SLC14A2: variants seen among roughly 807,000 people sequenced by gnomAD.
SLC14A2 encodes solute carrier family 14 member 2.
In SLC14A2, 91 loss-of-function variants were observed where a neutral mutation model predicts 104.6. That is an observed-to-expected ratio of 0.87 (90% CI 0.73 to 1.04). The LOEUF is 1.04. SLC14A2 is among the 50% of genes least tolerant of loss of function. The pLI, the probability that SLC14A2 is intolerant of heterozygous loss-of-function variation, is 0.00. For missense variants in SLC14A2, 1,189 were observed against 1,156.0 expected (o/e 1.03, Z -0.41); for synonymous variants, 476 against 466.4 (o/e 1.02, Z -0.27).
At chr18:45,323,645 ATT>A (rs1208946776) in intron 1 of SLC14A2, among the ~76,000 whole-genome samples, 2 of 152,156 alleles carry the variant, frequency 1.3e-5, no homozygotes, top group Non-Finnish European at 2.9e-5. Flanking sequence ...GTTTAATAGG[ATT>A]CAGCCTAATG....
At chr18:45,320,103 T>G (rs915006564) in intron 1 of SLC14A2, among the ~76,000 whole-genome samples, 2 of 152,314 alleles carry the variant, frequency 1.3e-5, no homozygotes, top group South Asian at 2.1e-4. Flanking sequence ...CCAGTTTGTT[T>G]AATAATTGTT....
At chr18:45,262,502 C>A (rs1327417434) in intron 1 of SLC14A2, among the ~76,000 whole-genome samples, 1 of 152,168 alleles carries the variant, frequency 6.6e-6, no homozygotes, top group Admixed American at 6.5e-5. Context: ...TGAGCCTAAC[C>A]ATAGCCCTGC....
intron 1 of SLC14A2, among the ~76,000 whole-genome samples, chr18:45,247,593 T>C (rs1339915384): frequency 6.6e-6 from 1 of 152,202 alleles, no homozygotes; most frequent in Non-Finnish European, 1.5e-5. Context: ...CATTCAGTAG[T>C]TCAAGTGAGA....
At chr18:45,640,139 G>A (rs1327340894) in intron 7 of SLC14A2, among the ~76,000 whole-genome samples, 3 of 152,066 alleles carry the variant, frequency 2.0e-5, no homozygotes, top group African/African-American at 7.2e-5. Flanking sequence ...AGCTGGGTGT[G>A]GTGGTGGGCA....
At chr18:45,371,123 A>G (rs2085718249) in intron 1 of SLC14A2, among the ~76,000 whole-genome samples, 1 of 152,052 alleles carries the variant, frequency 6.6e-6, no homozygotes, top group South Asian at 2.1e-4. Flanking sequence ...ACAGATACCC[A>G]TTTTCTCAGC....
At chr18:45,610,215 T>A (rs2044949716) in intron 2 of SLC14A2, among the ~76,000 whole-genome samples, 3 of 142,854 alleles carry the variant, frequency 2.1e-5, no homozygotes, top group African/African-American at 7.8e-5. Flanking sequence ...CAGATTCTGT[T>A]ATGGGGGTGG....
chr18:45,348,024 G>T lies in SLC14A2; in HGVS notation c.-125+134833G>T, dbSNP rs12607450. On this transcript the variant is annotated intron_variant, in intron 1 of 20. Coordinates refer to the SLC14A2 transcript ENST00000586448. ...ACCTCATACCAGGTGGACAGCACAT[G>T]GTAAGCACGAAGTGGAATTCGTCAA... Among the ~76,000 whole-genome samples the T allele has an allele frequency of 2.6e-5, 4 of 152,312 alleles. No homozygotes were observed. The East Asian group carries it at 7.7e-4, about 29-fold the overall frequency.
chr18:45,306,324 C>A (rs567643607), intron 1 of SLC14A2, among the ~76,000 whole-genome samples: 46 of 152,302 alleles, frequency 3.0e-4, no homozygotes, highest in African/African-American at 1.1e-3. Context: ...CACCTCAAAT[C>A]TATTTCCCCA....
chr18:45,209,532 A>G (rs1272743542), upstream of SLC14A2, among the ~76,000 whole-genome samples: 1 of 148,268 alleles, frequency 6.7e-6, no homozygotes, highest in Non-Finnish European at 1.5e-5. Flanking sequence ...AGTAACTAGA[A>G]TCACCCCTTC....
chr18:45,299,998 C>T (rs1231417754), intron 1 of SLC14A2, among the ~76,000 whole-genome samples: 12 of 152,104 alleles, frequency 7.9e-5, no homozygotes, highest in Admixed American at 7.2e-4. Context: ...TGTGGTTTCA[C>T]CTTAGGCATC....
intron 2 of SLC14A2, chr18:45,549,966 C>T (rs1285998525): frequency 6.7e-6 from 1 of 149,776 alleles, no homozygotes. Flanking sequence ...AATGTTTTTC[C>T]ATGTCTTATT....
chr18:45,628,949 C>A (rs1568305111), intron 4 of SLC14A2, among the ~76,000 whole-genome samples: 1 of 152,172 alleles, frequency 6.6e-6, no homozygotes, highest in South Asian at 2.1e-4. Context: ...GGAACAGAGT[C>A]CACATCTTGC....
At chr18:45,453,984 C>G (rs1268711954) in intron 1 of SLC14A2, among the ~76,000 whole-genome samples, 1 of 151,336 alleles carries the variant, frequency 6.6e-6, no homozygotes, top group African/African-American at 2.4e-5. Context: ...CTCAGCCTCC[C>G]GAGTAGCTGG....
intron 2 of SLC14A2, among the ~76,000 whole-genome samples, chr18:45,495,374 A>C (rs1005465308): frequency 6.6e-6 from 1 of 152,194 alleles, no homozygotes; most frequent in Non-Finnish European, 1.5e-5. Context: ...TGTTTATAAG[A>C]TCCTGGTGGC....
intron 10 of SLC14A2, chr18:45,646,096 G>A (rs923233060): frequency 2.6e-5 from 4 of 152,224 alleles, no homozygotes; most frequent in Non-Finnish European, 1.5e-5. Flanking sequence ...GCACTAAGGG[G>A]TGCAGTTTTA....
chr18:45,580,452 G>A (rs372378836), intron 2 of SLC14A2, among the ~76,000 whole-genome samples: 6 of 152,304 alleles, frequency 3.9e-5, no homozygotes, highest in African/African-American at 1.4e-4. Flanking sequence ...AGAGTGTGGG[G>A]AGGAGGTGGT....
intron 1 of SLC14A2, among the ~76,000 whole-genome samples, chr18:45,371,937 T>C (rs2085727277): frequency 6.6e-6 from 1 of 152,174 alleles, no homozygotes; most frequent in Non-Finnish European, 1.5e-5. Context: ...TTCTTGAAAA[T>C]AATTGGGATA....
chr18:45,587,832 T>G (rs752701180), intron 2 of SLC14A2, among the ~76,000 whole-genome samples: 2 of 152,094 alleles, frequency 1.3e-5, no homozygotes, highest in Non-Finnish European at 2.9e-5. Flanking sequence ...GTCTGCTATA[T>G]CGGTGTTGAA....
chr18:45,673,962 C>A, intron 18 of SLC14A2, 145 bp downstream of exon 18: 1 of 900,232 alleles, frequency 1.1e-6, no homozygotes. Context: ...CACATGAAGA[C>A]GGTGGTGGAG....
Sources: gnomAD v4.1 joint callset for allele counts (sites outside exome capture counted in the v4.1 genomes callset) on GRCh38, gnomAD v4.1.1 for gene constraint, MANE v1.5 for transcripts, NCBI Gene and HGNC (gene_info 2026-07-23, HGNC 2026-07-21) for gene names.